TMPRSS9: variants seen among roughly 807,000 people sequenced by gnomAD.
The protein encoded by TMPRSS9 is transmembrane serine protease 9, also known as transmembrane protease serine 9.
TMPRSS9 carries 113 observed loss-of-function variants against 111.4 expected under a neutral mutation model. The ratio of observed to expected loss-of-function variants is 1.01; its 90% CI spans 0.87 to 1.19. TMPRSS9 has a LOEUF of 1.19. Ranked by LOEUF, TMPRSS9 falls within the 50% of genes most tolerant of loss-of-function variation. The pLI is 0.00. For missense variants in TMPRSS9, 1,803 were observed against 1,513.1 expected, an observed-to-expected ratio of 1.19 and a Z score of -3.18; for synonymous variants, 805 against 659.1, an observed-to-expected ratio of 1.22 and a Z score of -3.39.
intron 1 of TMPRSS9, among the ~76,000 whole-genome samples, chr19:2,366,659 C>CATCCTGGCT (rs1282990320): frequency 6.6e-6 from 1 of 151,502 alleles, no homozygotes; most frequent in Non-Finnish European, 1.5e-5. Context: ...AGATCAAGAC[C>CATCCTGGCT]ATCCTGGCTA....
At chr19:2,377,982 C>T (rs1970353345) in intron 1 of TMPRSS9, among the ~76,000 whole-genome samples, 1 of 151,678 alleles carries the variant, frequency 6.6e-6, no homozygotes, top group South Asian at 2.1e-4. Flanking sequence ...GTGATGAACC[C>T]TCCCACCTCA....
chr19:2,382,746 C>T (rs1599280247), intron 1 of TMPRSS9, among the ~76,000 whole-genome samples: 3 of 151,994 alleles, frequency 2.0e-5, no homozygotes, highest in African/African-American at 7.2e-5. Flanking sequence ...CAAACGCACA[C>T]ATCCACACAT....
chr19:2,395,681 C>T (rs1970690949), intron 1 of TMPRSS9, among the ~76,000 whole-genome samples: 1 of 151,678 alleles, frequency 6.6e-6, no homozygotes, highest in Non-Finnish European at 1.5e-5. Flanking sequence ...TGCCATTGCA[C>T]TCCAGTGTGG....
intron 12 of TMPRSS9, among the ~76,000 whole-genome samples, chr19:2,417,654 C>A (rs1392982613): frequency 6.6e-6 from 1 of 151,930 alleles, no homozygotes; most frequent in Non-Finnish European, 1.5e-5. Context: ...TCTCAAAAAA[C>A]AAAAAAAGCA....
chr19:2,405,508 G>C (rs758788770), exon 7 of TMPRSS9: 3 of 1,599,686 alleles, frequency 1.9e-6, no homozygotes, highest in Non-Finnish European at 1.7e-6. Flanking sequence ...CATCATCAAC[G>C]CCAGGTGGCT....
At chr19:2,391,743 T>TC (rs1364094446) in intron 1 of TMPRSS9, among the ~76,000 whole-genome samples, 1 of 149,948 alleles carries the variant, frequency 6.7e-6, no homozygotes, top group African/African-American at 2.4e-5. Flanking sequence ...AGGAAGTCTT[T>TC]TTTTTTTTTT....
chr19:2,425,885 G>T (rs751356096), intron 17 of TMPRSS9, 42 bp from the exon 19 acceptor site: 3 of 1,546,450 alleles, frequency 1.9e-6, no homozygotes, highest in Non-Finnish European at 2.6e-6. Context: ...TGCTGTAGGG[G>T]AGGTACCGGC....
At chr19:2,416,110 G>C in intron 11 of TMPRSS9, 1 of 439,824 alleles carries the variant, frequency 2.3e-6, no homozygotes, top group Non-Finnish European at 4.0e-6. Flanking sequence ...ATGGTGGCCC[G>C]CATCTGTGGT....
chr19:2,421,663 AGAG>A (rs1402304172), intron 13 of TMPRSS9, among the ~76,000 whole-genome samples, 188 bp from the exon 15 acceptor site: 1 of 152,170 alleles, frequency 6.6e-6, no homozygotes, highest in Non-Finnish European at 1.5e-5. Flanking sequence ...GGAAACTCAG[AGAG>A]GAGAAGTGAC....
intron 1 of TMPRSS9, 151 bp downstream of exon 2, chr19:2,390,078 GC>G (rs1970552880): frequency 3.1e-6 from 3 of 967,376 alleles, no homozygotes; most frequent in Non-Finnish European, 4.5e-6. Flanking sequence ...AGGCGGGTGG[GC>G]GGGGAGTGGA....
intron 6 of TMPRSS9, among the ~76,000 whole-genome samples, chr19:2,404,520 G>C (rs1205517387): frequency 6.8e-6 from 1 of 147,734 alleles, no homozygotes; most frequent in African/African-American, 2.5e-5. Flanking sequence ...TCCAGCCTGA[G>C]CTACAGAGCA....
At chr19:2,403,243 G>C (rs769794694) in intron 6 of TMPRSS9, 48 bp downstream of exon 7, 1 of 1,480,790 alleles carries the variant, frequency 6.8e-7, no homozygotes. Flanking sequence ...CCCTTTTCCA[G>C]GGTCAGCTGC....
intron 1 of TMPRSS9, among the ~76,000 whole-genome samples, chr19:2,390,501 C>A (rs1568175267): frequency 6.7e-6 from 1 of 149,534 alleles, no homozygotes; most frequent in Non-Finnish European, 1.5e-5. Context: ...CCTCAGCCTC[C>A]CAAAGTGCTG....
chr19:2,425,510 CCCAGGGGA>C lies in TMPRSS9; in HGVS notation c.3120+23_3120+30del, dbSNP rs1194418103. On this transcript the variant is annotated intron_variant, in intron 17 of 17. Transcript: ENST00000648592. ...AGCTGCTCGGTGAGCCCCGCCCCGGCCCAGGGGACCAGGTCCCGCCCAGCCGCCGGGGA... is the reference window on the plus strand; with the variant it reads ...AGCTGCTCGGTGAGCCCCGCCCCGGCCCAGGTCCCGCCCAGCCGCCGGGGA... 3.9e-6 allele frequency: 6 copies of C among 1,554,128 alleles called. No homozygotes were observed. The highest frequency in any genetic ancestry group is 2.4e-5 in the East Asian group (1 of 42,176).
intron 1 of TMPRSS9, among the ~76,000 whole-genome samples, chr19:2,374,323 C>T (rs1429679327): frequency 7.4e-6 from 1 of 135,486 alleles, no homozygotes; most frequent in Admixed American, 8.7e-5. Context: ...CTGTAATCCC[C>T]GCACTTTGGG....
At position 2,425,340 on chromosome 19, in the gene TMPRSS9, C is replaced by T. The variant is rs777832864; in HGVS notation, c.2984-17C>T. On this transcript the variant is annotated splice_polypyrimidine_tract_variant and intron_variant, in intron 16 of 17. Coordinates refer to ENST00000648592, the Ensembl canonical transcript of TMPRSS9. ...GACGCGGTCCCCACCCGCCCCGTCT[C>T]GCTCGCCCGCCCGCAGGCTCCATGG... The T allele has an allele frequency of 5.5e-6, 8 of 1,457,234 alleles. 1 individual carries two copies. In the Admixed American group the frequency reaches 7.1e-5, roughly 13 times the overall value. 90.3% of individuals were successfully genotyped at this position (1,457,234 alleles called of 1,614,324 possible). A position where few individuals can be genotyped will look rare whatever the true frequency, so the allele number is the denominator to read the frequency against.
intron 1 of TMPRSS9, among the ~76,000 whole-genome samples, chr19:2,368,571 G>A (rs1046592462): frequency 8.6e-5 from 13 of 151,974 alleles, no homozygotes; most frequent in Admixed American, 2.6e-4. Context: ...GCGGGTCTTA[G>A]CTGTCTCCCT....
At chr19:2,371,033 C>T (rs992550958) in intron 1 of TMPRSS9, among the ~76,000 whole-genome samples, 2 of 152,086 alleles carry the variant, frequency 1.3e-5, no homozygotes, top group African/African-American at 2.4e-5. Context: ...TTTAATTTTT[C>T]TCCCAGGGCC....
chr19:2,401,027 C>T (rs542804942), intron 4 of TMPRSS9, among the ~76,000 whole-genome samples: 1 of 151,252 alleles, frequency 6.6e-6, no homozygotes, highest in South Asian at 2.1e-4. Flanking sequence ...GTAATCCCAG[C>T]ACTTTAGGAG....
Sources: gnomAD v4.1 joint callset for allele counts (sites outside exome capture counted in the v4.1 genomes callset) on GRCh38, gnomAD v4.1.1 for gene constraint, MANE v1.5 for transcripts, NCBI Gene and HGNC (gene_info 2026-07-23, HGNC 2026-07-21) for gene names.